Variants in EBF2 observed in about 807,000 individuals in gnomAD.
EBF2 encodes the protein transcription factor COE2.
A neutral mutation model predicts 72.8 loss-of-function variants in EBF2; 21 were observed. The ratio of observed to expected loss-of-function variants is 0.29; its 90% CI spans 0.20 to 0.42. The LOEUF is 0.42. Ranked by LOEUF, EBF2 falls within the 10% of genes least tolerant of loss-of-function variation. EBF2 has a pLI of 1.00. For missense variants in EBF2, 637 were observed against 731.2 expected, an observed-to-expected ratio of 0.87 and a Z score of 1.49; for synonymous variants, 299 against 274.2, an observed-to-expected ratio of 1.09 and a Z score of -0.89.
At chr8:25,951,941 T>C (rs532413324) in intron 6 of EBF2, among the ~76,000 whole-genome samples, 2 of 152,354 alleles carry the variant, frequency 1.3e-5, no homozygotes, top group South Asian at 2.1e-4. Flanking sequence ...TTTTCAATCA[T>C]ATTAATCATT....
intron 14 of EBF2, 190 bp downstream of exon 14, chr8:25,858,129 G>A (rs987413345): frequency 5.8e-5 from 44 of 756,794 alleles, no homozygotes; most frequent in Non-Finnish European, 9.0e-5. Flanking sequence ...AAAAGGCCTT[G>A]AGTAACCACG....
intron 6 of EBF2, among the ~76,000 whole-genome samples, chr8:25,981,298 A>G (rs956595131): frequency 6.6e-6 from 1 of 151,842 alleles, no homozygotes; most frequent in Non-Finnish European, 1.5e-5. Flanking sequence ...CCCCCATCCC[A>G]TCTTCCCTCA....
Position 26,033,087 on chromosome 8 carries a change from G to A in EBF2, c.549C>T (p.Asp183=), listed in dbSNP as rs776303983. 2.5e-6 allele frequency: 4 copies of A among 1,613,992 alleles called. No individual in the cohort carries two copies. In the Admixed American group the frequency reaches 5.0e-5, roughly 20 times the overall value. The part of the protein sequence containing the change: ...NETPSDPVII[D]RFFLKFFLKC... Reference sequence around the variant, plus strand: ...GAAAAATCACTTTTTCCCCCTACCTGTCAATTATGACTGGGTCCGATGGAG... The same window carrying A: ...GAAAAATCACTTTTTCCCCCTACCTATCAATTATGACTGGGTCCGATGGAG... The change falls in exon 6 of 16, where the codon GAC becomes GAT. Residue 183 remains aspartate (D), a splice_region_variant and synonymous_variant. Coordinates refer to ENST00000520164, the MANE Select transcript of EBF2 (RefSeq NM_022659.4).
chr8:26,038,592 C>G (rs1378975407), intron 5 of EBF2, among the ~76,000 whole-genome samples: 1 of 152,178 alleles, frequency 6.6e-6, no homozygotes. Context: ...TTCAACTAAC[C>G]AACCTAATCA....
intron 6 of EBF2, among the ~76,000 whole-genome samples, chr8:25,977,333 C>T (rs567189916): frequency 6.6e-6 from 1 of 152,262 alleles, no homozygotes; most frequent in East Asian, 1.9e-4. Flanking sequence ...CACTTGAGCC[C>T]AGCTGAACCC....
chr8:26,030,398 G>C (rs1051944486), intron 6 of EBF2, among the ~76,000 whole-genome samples: 1 of 147,800 alleles, frequency 6.8e-6, no homozygotes, highest in Non-Finnish European at 1.5e-5. Flanking sequence ...ATACAGGAAG[G>C]AGAACATCAC....
At chr8:25,985,643 C>T (rs1804437767) in intron 6 of EBF2, among the ~76,000 whole-genome samples, 1 of 152,100 alleles carries the variant, frequency 6.6e-6, no homozygotes, top group African/African-American at 2.4e-5. Context: ...AAAGATTATT[C>T]ATGGTCCAGC....
At chr8:26,035,984 G>A (rs1482126478) in intron 5 of EBF2, among the ~76,000 whole-genome samples, 1 of 151,414 alleles carries the variant, frequency 6.6e-6, no homozygotes, top group Non-Finnish European at 1.5e-5. Flanking sequence ...TAGCAACACA[G>A]TTTCAAAAGA....
intron 6 of EBF2, among the ~76,000 whole-genome samples, chr8:25,976,428 A>G (rs1804269204): frequency 6.6e-6 from 1 of 152,222 alleles, no homozygotes. Flanking sequence ...CCGTCTTTAG[A>G]GTCACTCATA....
chr8:25,853,665 G>A (rs951587695), intron 14 of EBF2, among the ~76,000 whole-genome samples: 8 of 151,994 alleles, frequency 5.3e-5, no homozygotes, highest in African/African-American at 1.4e-4. Flanking sequence ...AGGTAGTCAC[G>A]ACTGTGCCAA....
At chr8:25,947,429 CT>C (rs1454444195) in intron 6 of EBF2, among the ~76,000 whole-genome samples, 1 of 152,216 alleles carries the variant, frequency 6.6e-6, no homozygotes. Flanking sequence ...TCAGGCATGT[CT>C]TTATTAGCAG....
chr8:25,936,054 G>A (rs1177450391), intron 6 of EBF2, among the ~76,000 whole-genome samples: 1 of 152,204 alleles, frequency 6.6e-6, no homozygotes, highest in Non-Finnish European at 1.5e-5. Flanking sequence ...GTGTTGCTCA[G>A]GAATGGCAGT....
chr8:26,040,502 C>T lies in EBF2; in HGVS notation c.408+114G>A, dbSNP rs896389546. The T allele has an allele frequency of 2.3e-4, 218 of 941,462 alleles. 2 individuals carry two copies. The highest frequency in any genetic ancestry group is 9.1e-4 in the East Asian group (34 of 37,464). 58.3% of individuals were successfully genotyped at this position (941,462 alleles called of 1,614,324 possible). A position where few individuals can be genotyped will look rare whatever the true frequency, so the allele number is the denominator to read the frequency against. ...TGCTGGGAGGGGGACGTGGAGGGGG[C>T]TGTGGAGTCTGACCCAGGAAATCGT... is the stretch of plus-strand genomic sequence containing the variant. On this transcript the variant is annotated intron_variant, in intron 4 of 15. Transcript: ENST00000520164.
chr8:25,954,474 C>A (rs1369061816), intron 6 of EBF2, among the ~76,000 whole-genome samples: 3 of 152,158 alleles, frequency 2.0e-5, no homozygotes, highest in African/African-American at 7.2e-5. Context: ...AGAGAAAGAC[C>A]CCCAGAGGTC....
At chr8:26,036,618 C>A (rs1159513527) in intron 5 of EBF2, among the ~76,000 whole-genome samples, 1 of 152,038 alleles carries the variant, frequency 6.6e-6, no homozygotes, top group Non-Finnish European at 1.5e-5. Context: ...ATTCAGTCCT[C>A]CTGCCAGCAA....
At chr8:25,931,892 A>T (rs1274286600) in intron 6 of EBF2, among the ~76,000 whole-genome samples, 1 of 151,186 alleles carries the variant, frequency 6.6e-6, no homozygotes, top group Non-Finnish European at 1.5e-5. Context: ...TGAGCTTATT[A>T]TTAAATATAT....
chr8:26,027,907 G>A lies in EBF2; in HGVS notation c.551+5178C>T, dbSNP rs931463996. Among the ~76,000 whole-genome samples, 6 of 152,202 alleles carry A rather than the reference G, an allele frequency of 3.9e-5. No individual in the cohort carries two copies. In the East Asian group the frequency reaches 5.8e-4, roughly 15 times the overall value. On this transcript the variant is annotated intron_variant, in intron 6 of 15. Coordinates refer to ENST00000520164, the MANE Select transcript of EBF2 (RefSeq NM_022659.4). ...CCATTTACGTGAGGTGTCTAGAGTA[G>A]TCAACTTCATAGAGACATTAAATAC...
chr8:25,982,627 C>T (rs1480009223), intron 6 of EBF2, among the ~76,000 whole-genome samples: 3 of 152,192 alleles, frequency 2.0e-5, no homozygotes, highest in Non-Finnish European at 4.4e-5. Context: ...TTTATACCAC[C>T]TTCCAAGGCC....
chr8:25,865,894 G>A (rs778707207), intron 10 of EBF2, among the ~76,000 whole-genome samples: 1 of 151,670 alleles, frequency 6.6e-6, no homozygotes, highest in Non-Finnish European at 1.5e-5. Context: ...GCGTGGTGGC[G>A]GGTGCCTGTA....
Sources: gnomAD v4.1 joint callset for allele counts (sites outside exome capture counted in the v4.1 genomes callset) on GRCh38, gnomAD v4.1.1 for gene constraint, MANE v1.5 for transcripts, NCBI Gene and HGNC (gene_info 2026-07-23, HGNC 2026-07-21) for gene names.